CAPRIN1: variants seen among roughly 807,000 people sequenced by gnomAD.
CAPRIN1 encodes cell cycle associated protein 1.
A neutral mutation model predicts 100.9 loss-of-function variants in CAPRIN1; 29 were observed. The ratio of observed to expected loss-of-function variants is 0.29; its 90% CI spans 0.21 to 0.39. The LOEUF (loss-of-function observed/expected upper bound fraction) is 0.39. Ranked by LOEUF, CAPRIN1 falls within the 10% of genes least tolerant of loss-of-function variation. CAPRIN1 has a pLI of 1.00. For missense variants in CAPRIN1, 795 were observed against 876.7 expected, an observed-to-expected ratio of 0.91 and a Z score of 1.18; for synonymous variants, 338 against 307.5, an observed-to-expected ratio of 1.10 and a Z score of -1.04.
At chr11:34,059,925 G>T (rs1327583908) in intron 2 of CAPRIN1, among the ~76,000 whole-genome samples, 3 of 142,574 alleles carry the variant, frequency 2.1e-5, no homozygotes, top group Non-Finnish European at 3.0e-5. Flanking sequence ...GCTGGGCATG[G>T]TGGCTCACGC....
intron 11 of CAPRIN1, among the ~76,000 whole-genome samples, chr11:34,088,509 T>A (rs1322421955): frequency 6.6e-6 from 1 of 151,766 alleles, no homozygotes; most frequent in African/African-American, 2.4e-5. Context: ...AATTAAAAAT[T>A]AGTCAAATAA....
At chr11:34,089,286 A>ACC in intron 11 of CAPRIN1, 109 bp from the exon 12 acceptor site, 1 of 4,900 alleles carries the variant, frequency 2.0e-4, no homozygotes, top group Non-Finnish European at 3.9e-4. Flanking sequence ...CCCCCCGCAA[A>ACC]AAAAAAAAAA....
At chr11:34,099,182 C>G in intron 18 of CAPRIN1, 121 bp from the exon 19 acceptor site, 1 of 1,520,334 alleles carries the variant, frequency 6.6e-7, no homozygotes, top group Non-Finnish European at 8.9e-7. Flanking sequence ...GAATTGACCT[C>G]TTAAGCCTAA....
At chr11:34,058,167 G>C (rs1372660213) in intron 2 of CAPRIN1, among the ~76,000 whole-genome samples, 1 of 152,058 alleles carries the variant, frequency 6.6e-6, no homozygotes, top group Non-Finnish European at 1.5e-5. Flanking sequence ...ACAGAATCTT[G>C]CTCTGTCGCC....
At chr11:34,098,892 A>G (rs1388476557) in intron 18 of CAPRIN1, 1 of 998,634 alleles carries the variant, frequency 1.0e-6, no homozygotes. Flanking sequence ...ATTAATTTTG[A>G]TAGTATGATG....
At chr11:34,099,196 T>A in intron 18 of CAPRIN1, 107 bp from the exon 19 acceptor site, 1 of 1,540,820 alleles carries the variant, frequency 6.5e-7, no homozygotes, top group Non-Finnish European at 8.8e-7. Context: ...AGCCTAATAA[T>A]GTGGTGACAG....
intron 13 of CAPRIN1, 108 bp downstream of exon 13, chr11:34,090,397 C>T: frequency 7.7e-7 from 1 of 1,295,214 alleles, no homozygotes; most frequent in Non-Finnish European, 1.1e-6. Flanking sequence ...ACCTACTTTG[C>T]TTTCATGAAA....
intron 18 of CAPRIN1, 67 bp downstream of exon 18, chr11:34,097,828 T>G: frequency 6.2e-7 from 1 of 1,612,784 alleles, no homozygotes; most frequent in Non-Finnish European, 8.5e-7. Context: ...GAAGAGCTGT[T>G]AATAGTCTGC....
chr11:34,070,019 A>G (rs1349636173), intron 2 of CAPRIN1, among the ~76,000 whole-genome samples: 2 of 152,088 alleles, frequency 1.3e-5, no homozygotes, highest in South Asian at 2.1e-4. Flanking sequence ...TTGTTTCACA[A>G]TTTTATTATT....
At chr11:34,087,268 AG>A (rs1225526676) in intron 11 of CAPRIN1, among the ~76,000 whole-genome samples, 1 of 151,948 alleles carries the variant, frequency 6.6e-6, no homozygotes, top group African/African-American at 2.4e-5. Flanking sequence ...GTTTAATGAC[AG>A]TTAATTTGGT....
At chr11:34,069,324 AT>A (rs1764290864) in intron 2 of CAPRIN1, among the ~76,000 whole-genome samples, 1 of 151,602 alleles carries the variant, frequency 6.6e-6, no homozygotes, top group Non-Finnish European at 1.5e-5. Context: ...TAATTTTTGT[AT>A]TTTTGGTAGA....
chr11:34,068,160 T>G (rs528195877), intron 2 of CAPRIN1, among the ~76,000 whole-genome samples: 1 of 152,312 alleles, frequency 6.6e-6, no homozygotes. Context: ...GGATTGCTGA[T>G]CAGAAGCAAG....
rs184293368 is a variant in CAPRIN1, at chr11:34,066,700, A to G, written c.217-5026A>G. Among the ~76,000 whole-genome samples, 647 of 151,540 alleles carry G rather than the reference A, an allele frequency of 4.3e-3. 5 individuals carry two copies. Among genetic ancestry groups the G allele is most frequent in the African/African-American group, 0.015 (608 of 41,220 alleles). On this transcript the variant is annotated intron_variant, in intron 2 of 18. Coordinates refer to ENST00000341394, the MANE Select transcript of CAPRIN1 (RefSeq NM_005898.5). ...GTTGTCCAGGCTGGAGTGCAGTGGC[A>G]GTGGCATGATCTTGGCTCACTGCAA...
intron 12 of CAPRIN1, 100 bp from the exon 13 acceptor site, chr11:34,090,079 G>C (rs571869575): frequency 1.7e-6 from 1 of 593,730 alleles, no homozygotes; most frequent in Non-Finnish European, 3.0e-6. Context: ...TTTAGCAGTT[G>C]TATCTATTTC....
chr11:34,073,767 G>A (rs999025957), intron 4 of CAPRIN1, among the ~76,000 whole-genome samples: 2 of 152,150 alleles, frequency 1.3e-5, no homozygotes, highest in African/African-American at 2.4e-5. Flanking sequence ...TCTGATCAGG[G>A]AAGGAAAATC....
Position 34,090,687 on chromosome 11 carries a change from A to G in CAPRIN1, c.1554+9A>G. 6.2e-7 allele frequency: 1 copy of G among 1,609,362 alleles called. No homozygotes were observed. Among genetic ancestry groups the G allele is most frequent in the Non-Finnish European group, 8.5e-7 (1 of 1,176,124 alleles). ...TCCAATCCATGCAAACGGTAAGCAA[A>G]TTAACTAACATTAATTGCCTAGTAT... On this transcript the variant is annotated intron_variant, in intron 14 of 18. Transcript: ENST00000341394.
rs1328741916 is a variant in CAPRIN1 at position 34,079,650 on chromosome 11, T to G, written c.711T>G (p.Val237=). Residue 237 remains valine (V), a synonymous_variant, in exon 7 of 19, where the codon GTT becomes GTG. Coordinates refer to ENST00000341394, the MANE Select transcript of CAPRIN1 (RefSeq NM_005898.5). ...GTTYKVLKEI[V]ERVFQSNYFD... is the part of the protein sequence containing the mutation. ...TAGATAAAGTTCTAAAGGAAATTGT[T>G]GAGCGTGTTTTTCAGTCAAACTACT... 1 of 1,614,048 alleles carries G rather than the reference T, an allele frequency of 6.2e-7. No homozygotes were observed. Among genetic ancestry groups the G allele is most frequent in the South Asian group, 1.1e-5 (1 of 91,078 alleles).
intron 4 of CAPRIN1, among the ~76,000 whole-genome samples, chr11:34,074,694 C>T (rs1850873041): frequency 1.3e-5 from 2 of 152,182 alleles, no homozygotes; most frequent in African/African-American, 4.8e-5. Flanking sequence ...ACCAGCCTGG[C>T]CAACATAGTG....
intron 13 of CAPRIN1, 97 bp downstream of exon 13, chr11:34,090,386 G>C (rs1031114039): frequency 9.6e-6 from 12 of 1,246,720 alleles, no homozygotes; most frequent in Non-Finnish European, 1.4e-5. Context: ...CTTCTTTTTG[G>C]ACCTACTTTG....
Sources: gnomAD v4.1 joint callset for allele counts (sites outside exome capture counted in the v4.1 genomes callset) on GRCh38, gnomAD v4.1.1 for gene constraint, MANE v1.5 for transcripts, NCBI Gene and HGNC (gene_info 2026-07-23, HGNC 2026-07-21) for gene names.